The following IRAK2 variants were observed in gnomAD, a reference collection of about 807,000 sequenced individuals.
IRAK2 encodes the protein interleukin-1 receptor-associated kinase-like 2.
In IRAK2, 57 loss-of-function variants were observed where a neutral mutation model predicts 72.0. That is an observed-to-expected ratio of 0.79 (90% CI 0.64 to 0.99). The LOEUF (loss-of-function observed/expected upper bound fraction) is 0.99, where lower values mean the gene tolerates loss of function less well. Ranked by LOEUF, IRAK2 falls within the 50% of genes least tolerant of loss-of-function variation. The pLI is 0.00. For synonymous variants in IRAK2, 293 were observed against 312.7 expected (o/e 0.94, Z 0.67); for missense variants, 790 against 794.4 (o/e 0.99, Z 0.07).
chr3:10,169,441 C>A (rs369088840), intron 1 of IRAK2, among the ~76,000 whole-genome samples: 1 of 152,126 alleles, frequency 6.6e-6, no homozygotes, highest in African/African-American at 2.4e-5. Flanking sequence ...AGACCTACCC[C>A]GGGAATGCGT....
intron 4 of IRAK2, 123 bp downstream of exon 4, chr3:10,209,815 C>A: frequency 2.0e-6 from 1 of 502,318 alleles, no homozygotes; most frequent in Non-Finnish European, 3.4e-6. Context: ...AGGAAATTGC[C>A]ATCAAATTAC....
chr3:10,183,169 C>T (rs552595678), intron 2 of IRAK2, among the ~76,000 whole-genome samples: 61 of 152,314 alleles, frequency 4.0e-4, no homozygotes, highest in African/African-American at 1.4e-3. Flanking sequence ...GAAGTGGCTT[C>T]CTGAGGGACT....
At chr3:10,235,684 C>T (rs896943174) in intron 11 of IRAK2, among the ~76,000 whole-genome samples, 2 of 152,090 alleles carry the variant, frequency 1.3e-5, no homozygotes, top group Non-Finnish European at 2.9e-5. Flanking sequence ...ATTGGGTTCT[C>T]TGGAAAGGGT....
chr3:10,200,709 C>G (rs1368887737), intron 3 of IRAK2, among the ~76,000 whole-genome samples, 194 bp downstream of exon 3: 1 of 152,164 alleles, frequency 6.6e-6, no homozygotes, highest in Non-Finnish European at 1.5e-5. Flanking sequence ...CCAGCCTAGG[C>G]AACCTGGTGA....
chr3:10,238,101 C>A (rs950766435), intron 11 of IRAK2, among the ~76,000 whole-genome samples: 4 of 151,978 alleles, frequency 2.6e-5, no homozygotes, highest in African/African-American at 9.7e-5. Context: ...CTTACACACA[C>A]ACACGTGCAC....
intron 12 of IRAK2, among the ~76,000 whole-genome samples, chr3:10,239,533 T>G (rs1310389004): frequency 6.6e-6 from 1 of 151,726 alleles, no homozygotes; most frequent in Non-Finnish European, 1.5e-5. Flanking sequence ...GAGACCAGCC[T>G]GGCCAACATG....
chr3:10,219,725 T>A lies in IRAK2; in HGVS notation c.949T>A (p.Ser317Thr). 1 of 1,613,680 alleles carries A rather than the reference T, an allele frequency of 6.2e-7. No individual in the cohort carries two copies. Among genetic ancestry groups the A allele is most frequent in the Non-Finnish European group, 8.5e-7 (1 of 1,179,900 alleles). ...LPWPQRVSICSGLLCAVEYLH... is the reference protein window; with the variant it reads ...LPWPQRVSICTGLLCAVEYLH... ...CTGGCCCCAGCGTGTCAGCATCTGCTCAGGGCTGCTCTGTGCCGTCGAGTA... is the reference window on the plus strand; with the variant it reads ...CTGGCCCCAGCGTGTCAGCATCTGCACAGGGCTGCTCTGTGCCGTCGAGTA... The change falls in exon 8 of 13, where the codon TCA (serine) becomes ACA (threonine). Residue 317 changes from serine (S) to threonine (T), a missense_variant. Ser to Thr is a moderately conservative substitution (Grantham distance 58). Transcript: ENST00000256458.
intron 2 of IRAK2, among the ~76,000 whole-genome samples, chr3:10,199,309 C>T (rs1416567124): frequency 6.6e-6 from 1 of 152,144 alleles, no homozygotes; most frequent in Non-Finnish European, 1.5e-5. Flanking sequence ...TGATTACCCT[C>T]GAGAAGGCAG....
intron 10 of IRAK2, among the ~76,000 whole-genome samples, chr3:10,229,024 C>A (rs182205328): frequency 6.6e-6 from 1 of 151,932 alleles, no homozygotes; most frequent in South Asian, 2.1e-4. Flanking sequence ...ACCTCCACCC[C>A]CCGGGTTCAA....
intron 12 of IRAK2, among the ~76,000 whole-genome samples, chr3:10,241,020 C>T (rs961841696): frequency 2.0e-5 from 3 of 151,836 alleles, no homozygotes; most frequent in Non-Finnish European, 2.9e-5. Flanking sequence ...TCCACCCTCC[C>T]ACCCCTCAAC....
intron 1 of IRAK2, among the ~76,000 whole-genome samples, chr3:10,173,783 C>G (rs945998931): frequency 6.6e-6 from 1 of 152,070 alleles, no homozygotes; most frequent in Non-Finnish European, 1.5e-5. Context: ...TGAGATCACG[C>G]CACTGCACTC....
Position 10,170,528 on chromosome 3 carries a change from C to T in IRAK2, c.94+5480C>T, listed in dbSNP as rs1195760230. 3.9e-5 allele frequency among the ~76,000 whole-genome samples: 6 copies of T among 152,286 alleles called. No individual in the cohort carries two copies. The South Asian group carries it at 6.2e-4, about 16-fold the overall frequency. ...CCCCTGTTCCTCTCTAGCCCATCAC[C>T]GTGTTTCATTTCCCTCATTCCGCTT... On this transcript the variant is annotated intron_variant, in intron 1 of 12. Transcript: ENST00000256458.
chr3:10,238,868 G>A lies in IRAK2; in HGVS notation c.1594G>A (p.Val532Ile), dbSNP rs145363045. 7.6e-5 allele frequency: 122 copies of A among 1,613,970 alleles called. No homozygotes were observed. The highest frequency in any genetic ancestry group is 1.6e-4 in the Middle Eastern group (1 of 6,084). ...SSNTPEETDD[V>I]DNSSLDASSS... ...CAACACCCCAGAGGAAACAGACGAC[G>A]TTGACAATTCCAGCCTTGATGCCTC... Residue 532 changes from valine to isoleucine, a missense_variant, in exon 12 of 13, where the codon GTT becomes ATT. Coordinates refer to ENST00000256458, the MANE Select transcript of IRAK2 (RefSeq NM_001570.4).
intron 10 of IRAK2, among the ~76,000 whole-genome samples, chr3:10,232,192 G>T (rs1438659346): frequency 6.6e-6 from 1 of 152,168 alleles, no homozygotes; most frequent in Non-Finnish European, 1.5e-5. Flanking sequence ...TTTCATTTTG[G>T]ATGTCGTTGG....
chr3:10,209,778 A>G, intron 4 of IRAK2, 86 bp downstream of exon 4: 1 of 746,808 alleles, frequency 1.3e-6, no homozygotes, highest in Admixed American at 3.0e-5. Flanking sequence ...CTACCCCTTG[A>G]GACCAGTTTA....
At chr3:10,168,256 G>A (rs1696733156) in intron 1 of IRAK2, among the ~76,000 whole-genome samples, 1 of 150,606 alleles carries the variant, frequency 6.6e-6, no homozygotes, top group Admixed American at 6.6e-5. Context: ...TGTCGCTGAG[G>A]CTGGAGTGCA....
rs71623098 is a variant in IRAK2, at chr3:10,208,453, C to T, written c.425-1136C>T. ...GGGACCACAGGTGTACACCACCATA[C>T]CTGGCTATTAAAAAAAAATCTTTTG... On this transcript the variant is annotated intron_variant, in intron 3 of 12. Coordinates refer to ENST00000256458, the MANE Select transcript of IRAK2 (RefSeq NM_001570.4). Among the ~76,000 whole-genome samples the T allele has an allele frequency of 7.9e-3, 1,078 of 136,896 alleles. 9 individuals carry two copies. Among genetic ancestry groups the T allele is most frequent in the Non-Finnish European group, 0.013 (845 of 66,404 alleles). The allele number at this position is 136,896 out of a possible 152,430, so 89.8% of individuals were successfully genotyped here.
intron 1 of IRAK2, among the ~76,000 whole-genome samples, chr3:10,177,522 C>G (rs1696894727): frequency 1.3e-5 from 2 of 152,154 alleles, no homozygotes; most frequent in African/African-American, 4.8e-5. Context: ...GGGAGGCAGG[C>G]AGAGCTAGTA....
intron 11 of IRAK2, among the ~76,000 whole-genome samples, chr3:10,238,474 C>T (rs986944431): frequency 2.0e-5 from 3 of 152,142 alleles, no homozygotes; most frequent in African/African-American, 7.2e-5. Flanking sequence ...TGGCCAGCTT[C>T]GATCACATGC....
Sources: allele counts gnomAD v4.1 joint callset (sites outside exome capture counted in the v4.1 genomes callset), GRCh38; gene constraint gnomAD v4.1.1; transcripts MANE v1.5; gene names NCBI Gene and HGNC (gene_info 2026-07-23, HGNC 2026-07-21).